REDIC1: variants seen among roughly 807,000 people sequenced by gnomAD.
The protein encoded by REDIC1 is HEI10 Interacting Protein 1.
the REDIC1 span, among the ~76,000 whole-genome samples, chr12:39,854,254 A>G: frequency 6.6e-6 from 1 of 152,188 alleles, no homozygotes; most frequent in African/African-American, 2.4e-5. Context: ...AATAATAATA[A>G]TAATAACAGT....
chr12:39,895,547 T>G, the REDIC1 span, among the ~76,000 whole-genome samples: 1 of 83,818 alleles, frequency 1.2e-5, no homozygotes, highest in Non-Finnish European at 2.4e-5. Context: ...TATATATATA[T>G]ATATACACAC....
At chr12:39,653,357 G>A in the REDIC1 span, among the ~76,000 whole-genome samples, 1 of 151,508 alleles carries the variant, frequency 6.6e-6, no homozygotes, top group Admixed American at 6.6e-5. Context: ...ATTAATTTTT[G>A]TATATGAATC....
the REDIC1 span, among the ~76,000 whole-genome samples, chr12:39,751,796 A>G: frequency 2.0e-5 from 3 of 152,092 alleles, no homozygotes; most frequent in South Asian, 2.1e-4. Flanking sequence ...GCAAACTATC[A>G]CAAGGACAAA....
At chr12:39,646,019 A>G in the REDIC1 span, among the ~76,000 whole-genome samples, 2 of 152,110 alleles carry the variant, frequency 1.3e-5, no homozygotes, top group East Asian at 1.9e-4. Flanking sequence ...GGGAAAATAT[A>G]TATAGTACTG....
chr12:39,695,541 C>A, the REDIC1 span, among the ~76,000 whole-genome samples: 1 of 152,184 alleles, frequency 6.6e-6, no homozygotes, highest in Non-Finnish European at 1.5e-5. Flanking sequence ...GTGGGAAGGA[C>A]TGTGTCTTGT....
chr12:39,901,049 T>G, the REDIC1 span, among the ~76,000 whole-genome samples: 12 of 152,086 alleles, frequency 7.9e-5, no homozygotes, highest in Admixed American at 7.9e-4. Context: ...TCTACAACCA[T>G]CTGATCTTTG....
At chr12:39,864,721 C>T in the REDIC1 span, 1 of 1,599,600 alleles carries the variant, frequency 6.3e-7, no homozygotes, top group Non-Finnish European at 8.5e-7. Context: ...AAAAAAGTTA[C>T]CAGAGTCATG....
the REDIC1 span, among the ~76,000 whole-genome samples, chr12:39,898,938 T>A: frequency 1.3e-5 from 2 of 152,178 alleles, no homozygotes; most frequent in Non-Finnish European, 2.9e-5. Flanking sequence ...TGATCTAAAA[T>A]TCTCTTTTTT....
the REDIC1 span, among the ~76,000 whole-genome samples, chr12:39,853,373 C>T: frequency 6.6e-6 from 1 of 151,810 alleles, no homozygotes. Context: ...ATCTTTATGA[C>T]AGATTTCTCA....
the REDIC1 span, among the ~76,000 whole-genome samples, chr12:39,737,137 A>G: frequency 6.6e-6 from 1 of 152,160 alleles, no homozygotes; most frequent in Non-Finnish European, 1.5e-5. Context: ...GCTTTTTTCC[A>G]CAATTGATAC....
chr12:39,647,766 A>C, the REDIC1 span: 11 of 1,405,534 alleles, frequency 7.8e-6, no homozygotes, highest in Admixed American at 2.4e-4. Flanking sequence ...TTGGTAATGT[A>C]AATGATTTTA....
At chr12:39,694,962 C>G in the REDIC1 span, among the ~76,000 whole-genome samples, 1 of 152,058 alleles carries the variant, frequency 6.6e-6, no homozygotes, top group Non-Finnish European at 1.5e-5. Context: ...CTTTCCAGGC[C>G]CTAGCTCCAA....
the REDIC1 span, among the ~76,000 whole-genome samples, chr12:39,749,117 C>T: frequency 1.3e-5 from 2 of 151,992 alleles, no homozygotes; most frequent in East Asian, 3.9e-4. Context: ...TTCAAAAAAT[C>T]AATGAATCCA....
chr12:39,697,230 A>G, the REDIC1 span, among the ~76,000 whole-genome samples: 2 of 152,348 alleles, frequency 1.3e-5, no homozygotes, highest in East Asian at 3.9e-4. Context: ...GTGCTGAAGG[A>G]AGAAACCTTT....
the REDIC1 span, among the ~76,000 whole-genome samples, chr12:39,691,248 G>T: frequency 6.6e-6 from 1 of 152,136 alleles, no homozygotes; most frequent in Admixed American, 6.5e-5. Flanking sequence ...GGGAAATACA[G>T]TCTAGCTGTA....
At chr12:39,732,020 C>A in the REDIC1 span, among the ~76,000 whole-genome samples, 1 of 152,152 alleles carries the variant, frequency 6.6e-6, no homozygotes, top group Admixed American at 6.6e-5. Context: ...CCAATGATGT[C>A]CTCCTCCATC....
chr12:39,886,857 A>G, the REDIC1 span, among the ~76,000 whole-genome samples: 1 of 152,214 alleles, frequency 6.6e-6, no homozygotes, highest in Non-Finnish European at 1.5e-5. Flanking sequence ...CTGATAAAAG[A>G]GGAAAAGAAG....
the REDIC1 span, among the ~76,000 whole-genome samples, chr12:39,834,256 C>T: frequency 6.6e-6 from 1 of 151,968 alleles, no homozygotes; most frequent in Non-Finnish European, 1.5e-5. Flanking sequence ...ATTATTTTTT[C>T]TCCCTTACAT....
At chr12:39,901,784 C>G in the REDIC1 span, among the ~76,000 whole-genome samples, 1 of 137,026 alleles carries the variant, frequency 7.3e-6, no homozygotes, top group Non-Finnish European at 1.6e-5. Context: ...GTCAGTGTGG[C>G]GATTCCTCAG....
Sources: allele counts gnomAD v4.1 joint callset (sites outside exome capture counted in the v4.1 genomes callset), GRCh38; gene constraint gnomAD v4.1.1; transcripts MANE v1.5; gene names NCBI Gene and HGNC (gene_info 2026-07-23, HGNC 2026-07-21).